CD2AP: variants seen among roughly 807,000 people sequenced by gnomAD.
CD2AP encodes CD2 associated protein.
Under a neutral mutation model 85.1 loss-of-function variants are expected in CD2AP, and 46 were observed. The observed-to-expected ratio is 0.54, with a 90% CI of 0.43 to 0.69. The LOEUF is 0.69. Among genes scored for constraint, CD2AP ranks in the 30% least tolerant of loss-of-function variants. CD2AP has a pLI of 0.00. For synonymous variants in CD2AP, 255 were observed against 252.9 expected, an observed-to-expected ratio of 1.01 and a Z score of -0.08; for missense variants, 769 against 729.5, an observed-to-expected ratio of 1.05 and a Z score of -0.62.
At chr6:47,575,282 A>G (rs897378098) in intron 6 of CD2AP, among the ~76,000 whole-genome samples, 19 of 152,184 alleles carry the variant, frequency 1.2e-4, no homozygotes, top group Non-Finnish European at 4.4e-5. Context: ...TGGACAAGCA[A>G]TTCTTGGCAT....
At chr6:47,563,726 T>C (rs1767920941) in intron 5 of CD2AP, among the ~76,000 whole-genome samples, 1 of 152,222 alleles carries the variant, frequency 6.6e-6, no homozygotes, top group Non-Finnish European at 1.5e-5. Flanking sequence ...TGCTACATAC[T>C]ATACGTGCTA....
intron 4 of CD2AP, among the ~76,000 whole-genome samples, chr6:47,553,056 A>T (rs1767570162): frequency 1.3e-5 from 2 of 151,258 alleles, no homozygotes; most frequent in African/African-American, 4.9e-5. Flanking sequence ...TATGTTAGTT[A>T]TAGTACCTCT....
chr6:47,577,293 C>G (rs114889667), intron 8 of CD2AP, among the ~76,000 whole-genome samples, 190 bp downstream of exon 8: 3,776 of 152,106 alleles, frequency 0.025, 71 homozygotes, highest in South Asian at 0.052. Flanking sequence ...TTTGAGCTAA[C>G]TTTTATTGAC....
intron 5 of CD2AP, among the ~76,000 whole-genome samples, chr6:47,572,285 G>A (rs941599639): frequency 6.6e-5 from 10 of 152,210 alleles, no homozygotes; most frequent in Non-Finnish European, 1.0e-4. Context: ...CTGCGATGGT[G>A]TACAAGTGCT....
At chr6:47,588,278 ATTC>A (rs1224534861) in intron 11 of CD2AP, among the ~76,000 whole-genome samples, 1 of 152,092 alleles carries the variant, frequency 6.6e-6, no homozygotes, top group Admixed American at 6.6e-5. Context: ...GTTTTGGGAT[ATTC>A]TTTACCCTGC....
chr6:47,554,499 T>G, intron 4 of CD2AP, 147 bp from the exon 5 acceptor site: 1 of 715,570 alleles, frequency 1.4e-6, no homozygotes, highest in Non-Finnish European at 2.3e-6. Context: ...TTAAAATATA[T>G]TTTCTTCATT....
In CD2AP at chr6:47,533,774, T is replaced by C; in HGVS notation, c.319+19T>C. 2 of 1,611,192 alleles carry C rather than the reference T, an allele frequency of 1.2e-6. No individual in the cohort carries two copies. The highest frequency in any genetic ancestry group is 1.7e-6 in the Non-Finnish European group (2 of 1,177,932). ...AAGAAGAGTATGTAAATAATTCCTT[T>C]CCTGCATAATTACATCAAAATAGAA... is the stretch of plus-strand genomic sequence containing the variant. On this transcript the variant is annotated intron_variant, in intron 3 of 17. Coordinates refer to ENST00000359314, the MANE Select transcript of CD2AP (RefSeq NM_012120.3).
intron 13 of CD2AP, among the ~76,000 whole-genome samples, chr6:47,605,208 T>G (rs1402010138): frequency 6.6e-6 from 1 of 151,994 alleles, no homozygotes; most frequent in African/African-American, 2.4e-5. Flanking sequence ...TTAGAACATT[T>G]TGGCTGTGGT....
At chr6:47,551,045 AG>A (rs1487297595) in intron 4 of CD2AP, among the ~76,000 whole-genome samples, 1 of 152,018 alleles carries the variant, frequency 6.6e-6, no homozygotes, top group East Asian at 1.9e-4. Context: ...GAGGGTGGGA[AG>A]GGGATGAGGG....
chr6:47,593,210 T>C (rs750450255), intron 11 of CD2AP, among the ~76,000 whole-genome samples: 1 of 152,104 alleles, frequency 6.6e-6, no homozygotes, highest in Non-Finnish European at 1.5e-5. Flanking sequence ...TTAGACTATG[T>C]CACAAAAAGC....
intron 11 of CD2AP, among the ~76,000 whole-genome samples, chr6:47,594,891 T>TC (rs1768896984): frequency 1.3e-5 from 2 of 152,182 alleles, no homozygotes; most frequent in South Asian, 4.1e-4. Flanking sequence ...ATGTTCAGGT[T>TC]TTATAATCAC....
intron 3 of CD2AP, among the ~76,000 whole-genome samples, chr6:47,539,984 G>A (rs1357656759): frequency 2.7e-5 from 4 of 150,272 alleles, no homozygotes; most frequent in Non-Finnish European, 5.9e-5. Flanking sequence ...TTCAGGACCA[G>A]CCTGAGCAAC....
intron 11 of CD2AP, among the ~76,000 whole-genome samples, chr6:47,583,709 A>G (rs895792978): frequency 6.6e-6 from 1 of 152,196 alleles, no homozygotes; most frequent in Non-Finnish European, 1.5e-5. Flanking sequence ...TGGCACTTAT[A>G]AGGGGAGCTG....
At position 47,561,732 on chromosome 6, in the gene CD2AP, C is replaced by T. The variant is rs2114075332; in HGVS notation, c.541+6966C>T. ...ATGATTTTATTTCTAAGCCCATTGA[C>T]CATAGAAATGTGTGAAATGAGTAAT... On this transcript the variant is annotated intron_variant, in intron 5 of 17. Coordinates refer to ENST00000359314, the MANE Select transcript of CD2AP (RefSeq NM_012120.3). Among the ~76,000 whole-genome samples, 2 of 152,260 alleles carry T rather than the reference C, an allele frequency of 1.3e-5. 1 individual carries two copies. The highest frequency in any genetic ancestry group is 3.9e-4 in the East Asian group (2 of 5,184).
intron 2 of CD2AP, among the ~76,000 whole-genome samples, chr6:47,529,462 G>A (rs1766815419): frequency 1.3e-5 from 2 of 152,094 alleles, no homozygotes; most frequent in Admixed American, 1.3e-4. Flanking sequence ...CGATGGAATG[G>A]TGTCCTGTCC....
In CD2AP at chr6:47,562,994, C is replaced by T. The variant is rs1767902615; in HGVS notation, c.541+8228C>T. 4 of 404,336 alleles carry T rather than the reference C, an allele frequency of 9.9e-6. No homozygotes were observed. In the South Asian group the frequency reaches 2.2e-4, roughly 22 times the overall value. 25.0% of individuals were successfully genotyped at this position (404,336 alleles called of 1,614,324 possible). ...AAGAATCTTACGCCCAGTATGTCAT[C>T]GAAGAGTCCTTCAAATGCAAGAAAT... On this transcript the variant is annotated intron_variant, in intron 5 of 17. Coordinates refer to ENST00000359314, the MANE Select transcript of CD2AP (RefSeq NM_012120.3).
Position 47,612,478 on chromosome 6 carries a change from A to G in CD2AP, c.1820A>G (p.Glu607Gly). The change falls in exon 17 of 18, where the codon GAA becomes GGA. Residue 607 changes from glutamate (E) to glycine (G), a missense_variant. Coordinates refer to ENST00000359314, the MANE Select transcript of CD2AP (RefSeq NM_012120.3). ...VEALKKDHGK[E>G]LEKLRKDLEE... ...AATAAGTACTTTGTTTTTAGGAAAG[A>G]ACTGGAAAAACTGCGAAAAGATTTG... is the stretch of plus-strand genomic sequence containing the variant. 6.3e-7 allele frequency: 1 copy of G among 1,595,238 alleles called. No individual in the cohort carries two copies. The highest frequency in any genetic ancestry group is 8.6e-7 in the Non-Finnish European group (1 of 1,163,242).
chr6:47,598,723 T>C (rs1562050524), intron 12 of CD2AP, among the ~76,000 whole-genome samples: 1 of 150,180 alleles, frequency 6.7e-6, no homozygotes, highest in Non-Finnish European at 1.5e-5. Flanking sequence ...AGCATGAGAA[T>C]GATACAGTGG....
intron 5 of CD2AP, among the ~76,000 whole-genome samples, chr6:47,566,323 T>TATATATATATATATATATATATAC: frequency 3.7e-5 from 4 of 108,384 alleles, no homozygotes; most frequent in African/African-American, 8.7e-5. Context: ...TATATATATA[T>TATATATATATATATATATATATAC]ACACATACAC....
Sources: gnomAD v4.1 joint callset for allele counts (sites outside exome capture counted in the v4.1 genomes callset) on GRCh38, gnomAD v4.1.1 for gene constraint, MANE v1.5 for transcripts, NCBI Gene and HGNC (gene_info 2026-07-23, HGNC 2026-07-21) for gene names.